SORCS1: variants seen among roughly 807,000 people sequenced by gnomAD.
SORCS1 encodes the protein VPS10 domain-containing receptor SorCS1.
Under a neutral mutation model 146.1 loss-of-function variants are expected in SORCS1, and 60 were observed. That is an observed-to-expected ratio of 0.41 (90% CI 0.33 to 0.51). SORCS1 has a LOEUF of 0.51. SORCS1 is among the 20% of genes least tolerant of loss of function. SORCS1 has a pLI of 0.21. For synonymous variants in SORCS1, 637 were observed against 584.0 expected, an observed-to-expected ratio of 1.09 and a Z score of -1.31; for missense variants, 1,352 against 1,487.6, an observed-to-expected ratio of 0.91 and a Z score of 1.50.
At position 107,137,998 on chromosome 10, in the gene SORCS1, T is replaced by C. The variant is rs892969089; in HGVS notation, c.558+25971A>G. On this transcript the variant is annotated intron_variant, in intron 1 of 25. Transcript: ENST00000263054. The stretch of plus-strand genomic sequence containing the variant: ...TCTGACACCTATTACGTTCCTGAAA[T>C]ATAATAAGCCTTCTATATGTGTTAA... Among the ~76,000 whole-genome samples the C allele has an allele frequency of 2.6e-5, 4 of 152,194 alleles. No individual in the cohort carries two copies. In the East Asian group the frequency reaches 7.7e-4, roughly 29 times the overall value.
intron 1 of SORCS1, among the ~76,000 whole-genome samples, chr10:106,987,379 G>A (rs1956528050): frequency 6.6e-6 from 1 of 152,200 alleles, no homozygotes; most frequent in Non-Finnish European, 1.5e-5. Context: ...CTTGACAGTA[G>A]TTTCTACCTG....
intron 23 of SORCS1, among the ~76,000 whole-genome samples, chr10:106,604,577 T>C (rs1393293119): frequency 6.6e-6 from 1 of 152,230 alleles, no homozygotes; most frequent in Non-Finnish European, 1.5e-5. Context: ...TTACAGTCTC[T>C]AGCTTGGTAC....
At chr10:106,614,175 T>A (rs948301893) in intron 21 of SORCS1, among the ~76,000 whole-genome samples, 2 of 152,258 alleles carry the variant, frequency 1.3e-5, no homozygotes, top group African/African-American at 2.4e-5. Flanking sequence ...TCATTTATAA[T>A]TAATAAACAT....
chr10:106,653,933 G>T (rs369358372), intron 17 of SORCS1, among the ~76,000 whole-genome samples: 2 of 152,112 alleles, frequency 1.3e-5, no homozygotes, highest in African/African-American at 4.8e-5. Flanking sequence ...AATTCTGTAG[G>T]CCTGGGCATG....
In SORCS1 at chr10:106,594,318, T is replaced by G. The variant is rs146065728; in HGVS notation, c.3265+3033A>C. On this transcript the variant is annotated intron_variant, in intron 24 of 25. Transcript: ENST00000263054. The stretch of plus-strand genomic sequence containing the variant: ...CGGTTAACATATCAATCTTTTAAAA[T>G]TTTTTAAATTCACACATAACAATTA... Among the ~76,000 whole-genome samples the G allele has an allele frequency of 7.9e-3, 1,205 of 152,360 alleles. 3 individuals carry two copies. Among genetic ancestry groups the G allele is most frequent in the Non-Finnish European group, 0.011 (744 of 68,040 alleles).
chr10:106,650,086 CT>C (rs1849748179), intron 18 of SORCS1, among the ~76,000 whole-genome samples: 1 of 152,190 alleles, frequency 6.6e-6, no homozygotes, highest in Non-Finnish European at 1.5e-5. Context: ...TTTTTCCCCC[CT>C]CTTGGTCCTA....
At chr10:106,658,393 C>T (rs1437901516) in intron 17 of SORCS1, among the ~76,000 whole-genome samples, 1 of 151,944 alleles carries the variant, frequency 6.6e-6, no homozygotes, top group Non-Finnish European at 1.5e-5. Context: ...TTATCACATG[C>T]AACCAAGGTG....
chr10:107,023,280 A>G (rs192260912), intron 1 of SORCS1, among the ~76,000 whole-genome samples: 1 of 152,204 alleles, frequency 6.6e-6, no homozygotes, highest in African/African-American at 2.4e-5. Flanking sequence ...GATTTCCAGG[A>G]AACACTGACA....
rs544971105 is a variant in SORCS1, at chr10:106,889,923, G to T, written c.627-60250C>A. Among the ~76,000 whole-genome samples the T allele has an allele frequency of 1.5e-4, 21 of 137,672 alleles. No individual in the cohort carries two copies. The South Asian group carries it at 4.2e-3, about 28-fold the overall frequency. The allele number at this position is 137,672 out of a possible 152,430, so 90.3% of individuals were successfully genotyped here. On this transcript the variant is annotated intron_variant, in intron 2 of 25. Transcript: ENST00000263054. ...AAAAAAAAAAAAAAGCACTTCCCTAGACCTAGCTTGATATTAGGACACCCT... is the reference window on the plus strand; with the variant it reads ...AAAAAAAAAAAAAAGCACTTCCCTATACCTAGCTTGATATTAGGACACCCT...
rs186555995 is a variant in SORCS1 at position 107,068,279 on chromosome 10, C to T, written c.558+95690G>A. 7.1e-3 allele frequency among the ~76,000 whole-genome samples: 1,084 copies of T among 152,210 alleles called. 9 individuals carry two copies. Among genetic ancestry groups the T allele is most frequent in the Non-Finnish European group, 8.0e-3 (543 of 68,010 alleles). ...TCTGTCAATGACAACCATTGTTTTT[C>T]CTATCAATTTCCTCACTGAGGCAAC... On this transcript the variant is annotated intron_variant, in intron 1 of 25. Transcript: ENST00000263054.
chr10:106,887,026 C>CAG (rs1951027769), intron 2 of SORCS1, among the ~76,000 whole-genome samples: 1 of 152,128 alleles, frequency 6.6e-6, no homozygotes, highest in East Asian at 1.9e-4. Flanking sequence ...GCTTCTGAAA[C>CAG]AGAGTAGAAA....
At chr10:106,633,873 C>T (rs1475499921) in intron 18 of SORCS1, among the ~76,000 whole-genome samples, 2 of 152,068 alleles carry the variant, frequency 1.3e-5, no homozygotes, top group African/African-American at 4.8e-5. Flanking sequence ...GAGAGGATGC[C>T]CAGTCCTGCT....
intron 1 of SORCS1, among the ~76,000 whole-genome samples, chr10:107,017,679 A>T (rs957024127): frequency 2.0e-5 from 3 of 152,174 alleles, no homozygotes; most frequent in Non-Finnish European, 4.4e-5. Flanking sequence ...TTTTTGAGAC[A>T]GCGTCTCACT....
At chr10:106,629,504 T>G in intron 18 of SORCS1, 116 bp from the exon 19 acceptor site, 1 of 984,186 alleles carries the variant, frequency 1.0e-6, no homozygotes, top group Non-Finnish European at 1.5e-6. Context: ...CAGCCCTGGC[T>G]CACTCCTACA....
Position 107,016,775 on chromosome 10 carries a change from ATAAG to A in SORCS1, c.559-60199_559-60196del, listed in dbSNP as rs1343672330. On this transcript the variant is annotated intron_variant, in intron 1 of 25. Coordinates refer to ENST00000263054, the MANE Select transcript of SORCS1 (RefSeq NM_052918.5). Reference sequence around the variant, plus strand: ...GTAGGAGAAGATATCTGCAATCCATATAAGTAATAGATGACTCATACCATAAATA... The same window carrying A: ...GTAGGAGAAGATATCTGCAATCCATATAATAGATGACTCATACCATAAATA... 5.3e-5 allele frequency among the ~76,000 whole-genome samples: 8 copies of A among 152,360 alleles called. No homozygotes were observed. In the East Asian group the frequency reaches 1.5e-3, roughly 29 times the overall value.
At chr10:106,676,763 T>G (rs1479741430) in intron 13 of SORCS1, among the ~76,000 whole-genome samples, 1 of 152,122 alleles carries the variant, frequency 6.6e-6, no homozygotes, top group Non-Finnish European at 1.5e-5. Flanking sequence ...ACACAGAAAT[T>G]GATCCTCCTT....
chr10:106,756,109 A>G (rs1858617214), intron 5 of SORCS1, among the ~76,000 whole-genome samples: 1 of 151,336 alleles, frequency 6.6e-6, no homozygotes, highest in Non-Finnish European at 1.5e-5. Flanking sequence ...AGCCTGGGTG[A>G]CAGAGCAAGA....
At chr10:106,730,156 G>C (rs41291870) in intron 5 of SORCS1, 42 bp from the exon 6 acceptor site, 37,164 of 1,596,854 alleles carry the variant, frequency 0.023, 504 homozygotes, top group Non-Finnish European at 0.027. Flanking sequence ...CCATATTAAT[G>C]ACTTCACATG....
chr10:107,017,719 G>A (rs572622279), intron 1 of SORCS1, among the ~76,000 whole-genome samples: 6 of 152,048 alleles, frequency 3.9e-5, no homozygotes, highest in South Asian at 2.1e-4. Context: ...GCATTAGCAC[G>A]ATCTCAGCTC....
Sources: allele counts gnomAD v4.1 joint callset (sites outside exome capture counted in the v4.1 genomes callset), GRCh38; gene constraint gnomAD v4.1.1; transcripts MANE v1.5; gene names NCBI Gene and HGNC (gene_info 2026-07-23, HGNC 2026-07-21).